The following NXPH1 variants were observed in gnomAD, a reference collection of about 807,000 sequenced individuals.
The protein encoded by NXPH1 is neurexophilin 1.
In NXPH1, 5 loss-of-function variants were observed where a neutral mutation model predicts 23.7. The observed-to-expected ratio is 0.21, with a 90% CI of 0.11 to 0.44. The LOEUF (loss-of-function observed/expected upper bound fraction) is 0.44, where lower values mean the gene tolerates loss of function less well. NXPH1 is among the 20% of genes least tolerant of loss of function. The probability of loss-of-function intolerance (pLI) is 0.99; values close to 1 mark genes in which losing one functional copy is unlikely to be tolerated. For synonymous variants in NXPH1, 144 were observed against 122.2 expected, an observed-to-expected ratio of 1.18 and a Z score of -1.18; for missense variants, 324 against 321.6, an observed-to-expected ratio of 1.01 and a Z score of -0.06.
intron 2 of NXPH1, among the ~76,000 whole-genome samples, chr7:8,585,897 A>T (rs1818969521): frequency 6.6e-6 from 1 of 152,138 alleles, no homozygotes; most frequent in Non-Finnish European, 1.5e-5. Flanking sequence ...GTACTTCTTG[A>T]CCTGAATAGG....
chr7:8,718,679 G>A (rs761931902), intron 2 of NXPH1, among the ~76,000 whole-genome samples: 2 of 152,130 alleles, frequency 1.3e-5, no homozygotes, highest in Non-Finnish European at 2.9e-5. Flanking sequence ...AAAGTCACTT[G>A]CTTCTCTACC....
intron 2 of NXPH1, among the ~76,000 whole-genome samples, chr7:8,540,338 T>G (rs1160598446): frequency 2.0e-5 from 3 of 151,842 alleles, no homozygotes; most frequent in Non-Finnish European, 2.9e-5. Context: ...AAATTTACAC[T>G]GAAACAACCA....
At chr7:8,737,388 T>C (rs1278289268) in intron 2 of NXPH1, among the ~76,000 whole-genome samples, 2 of 152,184 alleles carry the variant, frequency 1.3e-5, no homozygotes, top group Admixed American at 1.3e-4. Context: ...TCTTCACTTA[T>C]GAAGCTTAGT....
intron 2 of NXPH1, among the ~76,000 whole-genome samples, chr7:8,568,165 G>T (rs1250937085): frequency 6.6e-6 from 1 of 151,852 alleles, no homozygotes; most frequent in African/African-American, 2.4e-5. Flanking sequence ...AATGTCCTGA[G>T]AATGGTAGAA....
intron 2 of NXPH1, among the ~76,000 whole-genome samples, chr7:8,614,572 A>G (rs1763070594): frequency 1.3e-5 from 2 of 151,998 alleles, no homozygotes; most frequent in Admixed American, 1.3e-4. Flanking sequence ...TCACATACAC[A>G]TACACATTTA....
intron 2 of NXPH1, among the ~76,000 whole-genome samples, chr7:8,605,574 CACAG>C (rs1819468387): frequency 1.3e-5 from 2 of 152,228 alleles, no homozygotes; most frequent in South Asian, 4.1e-4. Context: ...TCTGTTATAA[CACAG>C]ACAGAATATT....
At chr7:8,584,537 T>C (rs190636700) in intron 2 of NXPH1, among the ~76,000 whole-genome samples, 2 of 152,312 alleles carry the variant, frequency 1.3e-5, no homozygotes, top group East Asian at 3.9e-4. Flanking sequence ...AAGCTTTCTA[T>C]AGAGACAAAT....
At chr7:8,675,132 C>T (rs916668880) in intron 2 of NXPH1, among the ~76,000 whole-genome samples, 1 of 151,942 alleles carries the variant, frequency 6.6e-6, no homozygotes. Context: ...ATCAGAGAGA[C>T]CAAGATTCAA....
At chr7:8,492,138 ATCTT>A (rs1267511482) in intron 2 of NXPH1, among the ~76,000 whole-genome samples, 2 of 152,046 alleles carry the variant, frequency 1.3e-5, no homozygotes, top group Non-Finnish European at 2.9e-5. Flanking sequence ...ATAATGACCA[ATCTT>A]TTGAACTTGA....
At chr7:8,681,803 T>A (rs1583228318) in intron 2 of NXPH1, among the ~76,000 whole-genome samples, 2 of 152,216 alleles carry the variant, frequency 1.3e-5, no homozygotes, top group South Asian at 4.1e-4. Flanking sequence ...TTGGGAGACA[T>A]TGGCCTATCT....
chr7:8,666,825 A>C (rs2115166386), intron 2 of NXPH1, among the ~76,000 whole-genome samples: 1 of 152,212 alleles, frequency 6.6e-6, no homozygotes, highest in Non-Finnish European at 1.5e-5. Context: ...ATGATTGCTC[A>C]TAATAGTCTC....
rs147596555 is a variant in NXPH1 at position 8,621,321 on chromosome 7, A to G, written c.55-129687A>G. Among the ~76,000 whole-genome samples the G allele has an allele frequency of 3.9e-3, 593 of 152,240 alleles. 3 individuals carry two copies. Among genetic ancestry groups the G allele is most frequent in the African/African-American group, 0.013 (547 of 41,556 alleles). On this transcript the variant is annotated intron_variant, in intron 2 of 2. Coordinates refer to ENST00000405863, the MANE Select transcript of NXPH1 (RefSeq NM_152745.3). The stretch of plus-strand genomic sequence containing the variant: ...GCACAGACAAAGACTCAGACAGGAA[A>G]GAATGGTGTTTGAGGAAGGTAGTGA...
chr7:8,701,597 A>C (rs1779624127), intron 2 of NXPH1, among the ~76,000 whole-genome samples: 1 of 152,104 alleles, frequency 6.6e-6, no homozygotes. Flanking sequence ...CTTAAATGTC[A>C]CATTTAAGAA....
At chr7:8,747,533 T>A (rs1393454785) in intron 2 of NXPH1, among the ~76,000 whole-genome samples, 3 of 152,238 alleles carry the variant, frequency 2.0e-5, no homozygotes, top group Non-Finnish European at 4.4e-5. Context: ...TACAGCCCTT[T>A]GCTGATGCTG....
intron 2 of NXPH1, among the ~76,000 whole-genome samples, chr7:8,507,765 C>T (rs1014133376): frequency 3.9e-5 from 6 of 152,116 alleles, no homozygotes; most frequent in African/African-American, 1.4e-4. Context: ...ACCCTCTCCC[C>T]TCCTCACAGG....
At chr7:8,471,380 T>C (rs533512447) in intron 2 of NXPH1, among the ~76,000 whole-genome samples, 2 of 152,144 alleles carry the variant, frequency 1.3e-5, no homozygotes, top group South Asian at 2.1e-4. Context: ...ATAGAAGATA[T>C]ATTCTTATAA....
intron 2 of NXPH1, among the ~76,000 whole-genome samples, chr7:8,730,128 T>G (rs71534612): frequency 0.16 from 23,274 of 149,992 alleles, 1,995 homozygotes; most frequent in South Asian, 0.21. Context: ...CTTTGTTGGT[T>G]TAAAGTCTGT....
intron 2 of NXPH1, among the ~76,000 whole-genome samples, chr7:8,706,751 G>C (rs1251340394): frequency 6.6e-6 from 1 of 152,184 alleles, no homozygotes; most frequent in Non-Finnish European, 1.5e-5. Flanking sequence ...TGCCAGTCCT[G>C]AGTGACTAAT....
intron 2 of NXPH1, among the ~76,000 whole-genome samples, chr7:8,673,675 G>A (rs944959354): frequency 3.3e-5 from 5 of 152,072 alleles, no homozygotes; most frequent in Admixed American, 2.6e-4. Flanking sequence ...GTGTGTGCAT[G>A]TATGTATGTA....
Sources: gnomAD v4.1 joint callset for allele counts (sites outside exome capture counted in the v4.1 genomes callset) on GRCh38, gnomAD v4.1.1 for gene constraint, MANE v1.5 for transcripts, NCBI Gene and HGNC (gene_info 2026-07-23, HGNC 2026-07-21) for gene names.